The following ADAMTS6 variants were observed in gnomAD, a reference collection of about 807,000 sequenced individuals.
ADAMTS6 encodes A disintegrin and metalloproteinase with thrombospondin motifs 6.
In ADAMTS6, 23 loss-of-function variants were observed where a neutral mutation model predicts 144.3. The ratio of observed to expected loss-of-function variants is 0.16; its 90% CI spans 0.11 to 0.23. ADAMTS6 has a LOEUF of 0.23. ADAMTS6 is among the 10% of genes least tolerant of loss of function. The pLI is 1.00. For synonymous variants in ADAMTS6, 444 were observed against 457.5 expected (o/e 0.97, Z 0.38); for missense variants, 999 against 1,379.6 (o/e 0.72, Z 4.37).
intron 9 of ADAMTS6, among the ~76,000 whole-genome samples, chr5:65,309,918 G>A (rs1389101268): frequency 1.3e-5 from 2 of 151,988 alleles, no homozygotes; most frequent in Admixed American, 6.6e-5. Context: ...ACCAGCCTGG[G>A]CAACTGATAT....
At chr5:65,343,300 G>A (rs900217058) in intron 7 of ADAMTS6, among the ~76,000 whole-genome samples, 3 of 151,922 alleles carry the variant, frequency 2.0e-5, no homozygotes, top group Admixed American at 6.6e-5. Context: ...AATACATTAC[G>A]AAGCTGCAGT....
chr5:65,215,308 G>A lies in ADAMTS6; in HGVS notation c.2436+16C>T. On this transcript the variant is annotated intron_variant, in intron 19 of 24. Coordinates refer to ENST00000381055, the MANE Select transcript of ADAMTS6 (RefSeq NM_197941.4). ...AATTAAAAACAGAAGAAATACAATG[G>A]CAAAGACGCATTTACCATGACGATG... The A allele has an allele frequency of 6.2e-7, 1 of 1,611,052 alleles. No homozygotes were observed. Among genetic ancestry groups the A allele is most frequent in the Non-Finnish European group, 8.5e-7 (1 of 1,178,840 alleles).
intron 7 of ADAMTS6, among the ~76,000 whole-genome samples, chr5:65,432,706 T>C (rs1376011329): frequency 1.3e-5 from 2 of 152,154 alleles, no homozygotes; most frequent in East Asian, 3.9e-4. Flanking sequence ...TGTTGTATGA[T>C]TTATTCTATA....
rs1757693679 is a variant in ADAMTS6 at position 65,439,296 on chromosome 5, T to C, written c.1073+12179A>G. ...TTCATAAGAAAGTAGATCTTTACAG[T>C]CTCGAGGTAACTTGCCAAAAATTAC... On this transcript the variant is annotated intron_variant, in intron 7 of 24. Transcript: ENST00000381055. Among the ~76,000 whole-genome samples, 3 of 152,058 alleles carry C rather than the reference T, an allele frequency of 2.0e-5. No homozygotes were observed. In the South Asian group the frequency reaches 6.2e-4, roughly 32 times the overall value.
At chr5:65,347,105 A>G (rs2150083623) in intron 7 of ADAMTS6, among the ~76,000 whole-genome samples, 1 of 152,126 alleles carries the variant, frequency 6.6e-6, no homozygotes, top group African/African-American at 2.4e-5. Context: ...ATATTGGCAG[A>G]GAGTGTCCGC....
chr5:65,158,642 T>G (rs978092162), intron 24 of ADAMTS6, among the ~76,000 whole-genome samples: 9 of 152,196 alleles, frequency 5.9e-5, no homozygotes, highest in Non-Finnish European at 1.2e-4. Context: ...TGAGTAGTAT[T>G]GCAAATGTAC....
chr5:65,236,179 A>G (rs1758654907), intron 15 of ADAMTS6, among the ~76,000 whole-genome samples: 2 of 152,246 alleles, frequency 1.3e-5, no homozygotes. Flanking sequence ...AAAGATTGAA[A>G]ACAACATTCT....
intron 18 of ADAMTS6, among the ~76,000 whole-genome samples, chr5:65,215,782 T>G (rs960248557): frequency 6.6e-6 from 1 of 152,120 alleles, no homozygotes; most frequent in Non-Finnish European, 1.5e-5. Flanking sequence ...GGATGAGACT[T>G]AACATGAGGG....
chr5:65,336,970 AT>A (rs1474800094), intron 7 of ADAMTS6, among the ~76,000 whole-genome samples: 1 of 152,150 alleles, frequency 6.6e-6, no homozygotes, highest in Non-Finnish European at 1.5e-5. Context: ...CATTCTTATA[AT>A]TGCCTTCCCT....
chr5:65,360,880 A>C (rs757725655), intron 7 of ADAMTS6, among the ~76,000 whole-genome samples: 4 of 152,190 alleles, frequency 2.6e-5, no homozygotes, highest in Non-Finnish European at 4.4e-5. Flanking sequence ...ATATCTGATA[A>C]AACTTTTTAC....
intron 20 of ADAMTS6, chr5:65,210,524 T>C (rs547452282): frequency 2.9e-5 from 13 of 442,276 alleles, no homozygotes; most frequent in African/African-American, 8.2e-5. Flanking sequence ...GTGGAAAGCA[T>C]TGATGTTCAA....
chr5:65,342,157 C>T (rs920599157), intron 7 of ADAMTS6, among the ~76,000 whole-genome samples: 19 of 152,134 alleles, frequency 1.2e-4, no homozygotes, highest in East Asian at 1.2e-3. Flanking sequence ...ATGATAAAAA[C>T]TCTTAATAAA....
intron 7 of ADAMTS6, among the ~76,000 whole-genome samples, chr5:65,394,424 CCT>C (rs949220591): frequency 3.7e-4 from 56 of 152,332 alleles, no homozygotes; most frequent in Admixed American, 3.3e-3. Context: ...TTCCCAAACT[CCT>C]GACCCAGAGA....
chr5:65,162,947 T>C (rs1752878314), intron 24 of ADAMTS6, among the ~76,000 whole-genome samples: 1 of 152,184 alleles, frequency 6.6e-6, no homozygotes, highest in East Asian at 1.9e-4. Flanking sequence ...TCTCAGTCTG[T>C]TGCCCTGGCT....
At chr5:65,179,173 C>T (rs1754175615) in intron 22 of ADAMTS6, among the ~76,000 whole-genome samples, 1 of 152,174 alleles carries the variant, frequency 6.6e-6, no homozygotes. Flanking sequence ...TGACCTTCCT[C>T]AGACTGAGGA....
At chr5:65,377,863 C>G (rs1046588266) in intron 7 of ADAMTS6, among the ~76,000 whole-genome samples, 2 of 152,192 alleles carry the variant, frequency 1.3e-5, no homozygotes, top group East Asian at 1.9e-4. Flanking sequence ...CAGGGCCATA[C>G]TCTCTCTGAA....
intron 12 of ADAMTS6, among the ~76,000 whole-genome samples, chr5:65,269,399 G>C (rs1761884683): frequency 6.6e-6 from 1 of 152,054 alleles, no homozygotes; most frequent in South Asian, 2.1e-4. Flanking sequence ...TTCCTAAAAG[G>C]AAACACTGTT....
At chr5:65,279,944 C>T (rs866078608) in intron 11 of ADAMTS6, among the ~76,000 whole-genome samples, 8 of 152,058 alleles carry the variant, frequency 5.3e-5, no homozygotes, top group Admixed American at 2.0e-4. Context: ...TTTTTCTTTG[C>T]GTATTCTGTG....
Position 65,470,819 on chromosome 5 carries a change from G to C in ADAMTS6, c.421C>G (p.Arg141Gly). ...CHYTGYLQDQRSTTKVALSNC... is the reference protein window; with the variant it reads ...CHYTGYLQDQGSTTKVALSNC... ...CTTAAAGCCACTTTAGTTGTACTAC[G>C]TTGATCTTGCAAATATCCTGTGTAA... Residue 141 changes from arginine (R) to glycine (G), a missense_variant, in exon 3 of 25, where the codon CGT (arginine) becomes GGT (glycine). Coordinates refer to ENST00000381055, the MANE Select transcript of ADAMTS6 (RefSeq NM_197941.4). 1 of 1,607,742 alleles carries C rather than the reference G, an allele frequency of 6.2e-7. No homozygotes were observed. The highest frequency in any genetic ancestry group is 8.5e-7 in the Non-Finnish European group (1 of 1,178,218).
Sources: gnomAD v4.1 joint callset for allele counts (sites outside exome capture counted in the v4.1 genomes callset) on GRCh38, gnomAD v4.1.1 for gene constraint, MANE v1.5 for transcripts, NCBI Gene and HGNC (gene_info 2026-07-23, HGNC 2026-07-21) for gene names.